The following MVB12B variants were observed in gnomAD, a reference collection of about 807,000 sequenced individuals.
The protein encoded by MVB12B is multivesicular body subunit 12B, also known as ESCRT-I complex subunit MVB12B.
Under a neutral mutation model 41.6 loss-of-function variants are expected in MVB12B, and 16 were observed. That is an observed-to-expected ratio of 0.38 (90% CI 0.26 to 0.58). The LOEUF (loss-of-function observed/expected upper bound fraction) is 0.58, where lower values mean the gene tolerates loss of function less well. Ranked by LOEUF, MVB12B falls within the 20% of genes least tolerant of loss-of-function variation. The probability of loss-of-function intolerance (pLI) is 0.62; values close to 1 mark genes in which losing one functional copy is unlikely to be tolerated. For synonymous variants in MVB12B, 133 were observed against 139.7 expected, an observed-to-expected ratio of 0.95 and a Z score of 0.34; for missense variants, 274 against 380.2, an observed-to-expected ratio of 0.72 and a Z score of 2.32.
intron 2 of MVB12B, among the ~76,000 whole-genome samples, chr9:126,345,009 G>C (rs1337149013): frequency 6.6e-6 from 1 of 152,198 alleles, no homozygotes; most frequent in Non-Finnish European, 1.5e-5. Context: ...ATGAACATTG[G>C]GGGCACATTG....
At chr9:126,356,095 T>C (rs1297569310) in intron 2 of MVB12B, among the ~76,000 whole-genome samples, 1 of 152,226 alleles carries the variant, frequency 6.6e-6, no homozygotes, top group Non-Finnish European at 1.5e-5. Flanking sequence ...TCAAGGTTTT[T>C]AGAATATATT....
intron 7 of MVB12B, among the ~76,000 whole-genome samples, chr9:126,446,984 G>A (rs1321406746): frequency 1.0e-5 from 1 of 98,714 alleles, no homozygotes; most frequent in Non-Finnish European, 1.9e-5. Context: ...TCACTCTGTT[G>A]TCCAGGCTGG....
chr9:126,358,757 C>T (rs984049617), intron 2 of MVB12B, among the ~76,000 whole-genome samples: 2 of 152,166 alleles, frequency 1.3e-5, no homozygotes, highest in African/African-American at 4.8e-5. Flanking sequence ...TTTACTTCTT[C>T]CTTTCCAGTC....
chr9:126,493,397 T>A (rs926668532), intron 9 of MVB12B, among the ~76,000 whole-genome samples: 8 of 152,188 alleles, frequency 5.3e-5, no homozygotes, highest in African/African-American at 1.4e-4. Flanking sequence ...TCTGCTCTGT[T>A]ATTCTATTTT....
At chr9:126,334,050 C>T (rs1038053368) in intron 1 of MVB12B, among the ~76,000 whole-genome samples, 30 of 152,270 alleles carry the variant, frequency 2.0e-4, no homozygotes, top group Admixed American at 8.5e-4. Flanking sequence ...CAGGAATGTC[C>T]GTTTTAACGA....
At chr9:126,466,729 ACT>A (rs1321539303) in intron 7 of MVB12B, among the ~76,000 whole-genome samples, 1 of 152,108 alleles carries the variant, frequency 6.6e-6, no homozygotes, top group East Asian at 1.9e-4. Flanking sequence ...TAATTAAGTA[ACT>A]CTGGTGTTTG....
chr9:126,482,492 G>A (rs985074858), intron 8 of MVB12B, among the ~76,000 whole-genome samples: 2 of 152,074 alleles, frequency 1.3e-5, no homozygotes, highest in African/African-American at 2.4e-5. Context: ...AGGAACTTCA[G>A]CCGACTCCAC....
At chr9:126,475,514 A>G (rs1445499269) in intron 7 of MVB12B, among the ~76,000 whole-genome samples, 2 of 152,148 alleles carry the variant, frequency 1.3e-5, no homozygotes, top group Non-Finnish European at 2.9e-5. Flanking sequence ...TCTTTGATAT[A>G]CTAGATTTTC....
chr9:126,422,485 C>T (rs983136653), intron 7 of MVB12B, among the ~76,000 whole-genome samples: 2 of 152,224 alleles, frequency 1.3e-5, no homozygotes, highest in Non-Finnish European at 2.9e-5. Context: ...TTCCTTTTCA[C>T]CTTCACCCAG....
In MVB12B at chr9:126,335,433, G is replaced by A. The variant is rs1304702444; in HGVS notation, c.82-5075G>A. ...GTAGGTCTCTGCAACTTTCTGTAAG[G>A]AGGTGGCTGGGTTTGTGTGTGTGGT... is the stretch of plus-strand genomic sequence containing the variant. On this transcript the variant is annotated intron_variant, in intron 1 of 9. Transcript: ENST00000361171. The A allele has an allele frequency of 5.4e-6, 7 of 1,302,002 alleles. No homozygotes were observed. The South Asian group carries it at 8.6e-5, about 16-fold the overall frequency. 80.7% of individuals were successfully genotyped at this position (1,302,002 alleles called of 1,614,324 possible).
At chr9:126,432,957 C>T (rs111933291) in intron 7 of MVB12B, among the ~76,000 whole-genome samples, 1,888 of 152,294 alleles carry the variant, frequency 0.012, 20 homozygotes, top group Non-Finnish European at 0.02. Flanking sequence ...TCTCTGGGAC[C>T]TCATCAGAGT....
intron 7 of MVB12B, among the ~76,000 whole-genome samples, chr9:126,449,149 T>C (rs1832845608): frequency 6.6e-6 from 1 of 152,130 alleles, no homozygotes; most frequent in Non-Finnish European, 1.5e-5. Context: ...CTGAGGAAAC[T>C]CCCATGTGCC....
chr9:126,354,236 T>A (rs1829824485), intron 2 of MVB12B, among the ~76,000 whole-genome samples: 1 of 152,230 alleles, frequency 6.6e-6, no homozygotes, highest in South Asian at 2.1e-4. Flanking sequence ...CTGTTATATA[T>A]GTTACAGATA....
At chr9:126,472,981 CAAG>C (rs1174343440) in intron 7 of MVB12B, among the ~76,000 whole-genome samples, 12 of 152,044 alleles carry the variant, frequency 7.9e-5, no homozygotes, top group Admixed American at 5.9e-4. Context: ...AATTTAAAAA[CAAG>C]AAGAAGAAGA....
Position 126,459,892 on chromosome 9 carries a change from A to C in MVB12B, c.758-21477A>C, listed in dbSNP as rs1024030776. On this transcript the variant is annotated intron_variant, in intron 7 of 9. Coordinates refer to ENST00000361171, the MANE Select transcript of MVB12B (RefSeq NM_033446.3). This position sits in a 1 kb window ranked among gnomAD's most constrained non-coding sequence, Gnocchi z 4.3. Reference sequence around the variant, plus strand: ...GCTCCGGGGCTCAGTAATGGTTTTCACAGGCGGGTTTCATGAGTGGAGCCG... The same window carrying C: ...GCTCCGGGGCTCAGTAATGGTTTTCCCAGGCGGGTTTCATGAGTGGAGCCG... Among the ~76,000 whole-genome samples the C allele has an allele frequency of 1.3e-5, 2 of 152,184 alleles. No individual in the cohort carries two copies. The highest frequency in any genetic ancestry group is 4.8e-5 in the African/African-American group (2 of 41,436).
At chr9:126,428,707 C>T (rs1832248082) in intron 7 of MVB12B, among the ~76,000 whole-genome samples, 1 of 152,174 alleles carries the variant, frequency 6.6e-6, no homozygotes, top group African/African-American at 2.4e-5. Context: ...TTTGCATCCA[C>T]ATTCTGGGTG....
chr9:126,448,355 G>A (rs921665949), intron 7 of MVB12B: 8 of 152,284 alleles, frequency 5.3e-5, no homozygotes, highest in Admixed American at 2.0e-4. Context: ...GCCCTGCTCA[G>A]AGCCGTTCTT....
intron 7 of MVB12B, among the ~76,000 whole-genome samples, chr9:126,446,772 T>C (rs1325592939): frequency 1.3e-5 from 2 of 151,960 alleles, no homozygotes; most frequent in East Asian, 3.8e-4. Flanking sequence ...AATATACCTA[T>C]AGTCATATAT....
intron 6 of MVB12B, chr9:126,396,578 C>T (rs1484110655): frequency 1.0e-6 from 1 of 985,372 alleles, no homozygotes; most frequent in Non-Finnish European, 1.2e-6. Context: ...ACAGCCTGCC[C>T]TCCGGGACAT....
Sources: allele counts gnomAD v4.1 joint callset (sites outside exome capture counted in the v4.1 genomes callset), GRCh38; gene constraint gnomAD v4.1.1; non-coding constraint Gnocchi (gnomAD v3.1); transcripts MANE v1.5; gene names NCBI Gene and HGNC (gene_info 2026-07-23, HGNC 2026-07-21).